Variants in LOC128125817 observed in about 807,000 individuals in gnomAD.
At chr1:41,628,403 C>G in the LOC128125817 span, among the ~76,000 whole-genome samples, 1 of 152,160 alleles carries the variant, frequency 6.6e-6, no homozygotes, top group Non-Finnish European at 1.5e-5. Context: ...GTTGGACTGG[C>G]TTGTGGAGGC....
chr1:41,620,712 C>A, the LOC128125817 span, among the ~76,000 whole-genome samples: 11 of 152,146 alleles, frequency 7.2e-5, no homozygotes, highest in Admixed American at 7.2e-4. Context: ...CTCTGGTAAA[C>A]CTTCAGGCTT....
chr1:41,620,678 C>T, the LOC128125817 span, among the ~76,000 whole-genome samples: 1 of 152,126 alleles, frequency 6.6e-6, no homozygotes, highest in African/African-American at 2.4e-5. Context: ...GCTTAGTGCC[C>T]CACTCATCTT....
At chr1:41,626,746 A>G in the LOC128125817 span, among the ~76,000 whole-genome samples, 2 of 152,172 alleles carry the variant, frequency 1.3e-5, no homozygotes. Context: ...GTGCCCCAGG[A>G]TGCCGAGCCA....
the LOC128125817 span, among the ~76,000 whole-genome samples, chr1:41,599,653 TC>T: frequency 1.3e-5 from 2 of 152,166 alleles, no homozygotes; most frequent in South Asian, 2.1e-4. Context: ...GGAAGAAGCT[TC>T]ATCACATTGG....
the LOC128125817 span, among the ~76,000 whole-genome samples, chr1:41,617,855 T>C: frequency 1.3e-5 from 2 of 150,188 alleles, no homozygotes; most frequent in Non-Finnish European, 3.0e-5. Context: ...CCAATGGCTT[T>C]GGAACTGGAC....
the LOC128125817 span, among the ~76,000 whole-genome samples, chr1:41,623,883 A>T: frequency 1.5e-5 from 2 of 131,118 alleles, no homozygotes; most frequent in African/African-American, 6.3e-5. Flanking sequence ...ATGGCCACAG[A>T]GGCTCTCTGC....
the LOC128125817 span, among the ~76,000 whole-genome samples, chr1:41,598,616 A>G: frequency 6.6e-6 from 1 of 152,216 alleles, no homozygotes; most frequent in African/African-American, 2.4e-5. Flanking sequence ...TCATTTCTCC[A>G]CTCAGTCTGC....
At chr1:41,608,799 C>T in the LOC128125817 span, among the ~76,000 whole-genome samples, 6 of 151,854 alleles carry the variant, frequency 4.0e-5, 1 homozygote, top group South Asian at 6.2e-4. Context: ...CAGCTGGGCA[C>T]GGTGGCTCAC....
the LOC128125817 span, among the ~76,000 whole-genome samples, chr1:41,612,328 C>T: frequency 6.6e-6 from 1 of 152,310 alleles, no homozygotes; most frequent in South Asian, 2.1e-4. Flanking sequence ...CCAACAATGC[C>T]GCCTTACGTT....
the LOC128125817 span, among the ~76,000 whole-genome samples, chr1:41,615,106 T>C: frequency 1.3e-5 from 2 of 152,212 alleles, no homozygotes; most frequent in African/African-American, 4.8e-5. Context: ...AATGCCATCG[T>C]ATTGTATTGC....
At chr1:41,612,921 T>C in the LOC128125817 span, among the ~76,000 whole-genome samples, 1 of 152,224 alleles carries the variant, frequency 6.6e-6, no homozygotes, top group Non-Finnish European at 1.5e-5. Context: ...ACCATGTTTC[T>C]TGTTTGCCAC....
chr1:41,592,305 C>A, the LOC128125817 span, among the ~76,000 whole-genome samples: 1 of 152,184 alleles, frequency 6.6e-6, no homozygotes, highest in South Asian at 2.1e-4. Context: ...CCTCTCTGGG[C>A]CTCAGTTTTC....
chr1:41,596,063 A>C, the LOC128125817 span, among the ~76,000 whole-genome samples: 1 of 152,206 alleles, frequency 6.6e-6, no homozygotes, highest in African/African-American at 2.4e-5. Context: ...GAAATGTTTC[A>C]GGGCTCCAGG....
chr1:41,619,529 T>C, the LOC128125817 span, among the ~76,000 whole-genome samples: 9 of 152,222 alleles, frequency 5.9e-5, no homozygotes, highest in Non-Finnish European at 1.2e-4. Flanking sequence ...TTTTGTGCTT[T>C]GTCACCCAGA....
chr1:41,588,851 C>T, the LOC128125817 span, among the ~76,000 whole-genome samples: 3 of 151,990 alleles, frequency 2.0e-5, no homozygotes, highest in Admixed American at 6.5e-5. Context: ...CTAGTGCTCT[C>T]TGCCAGCCTG....
At chr1:41,592,713 G>A in the LOC128125817 span, among the ~76,000 whole-genome samples, 2 of 152,206 alleles carry the variant, frequency 1.3e-5, no homozygotes, top group Non-Finnish European at 2.9e-5. Flanking sequence ...CTGACACCAG[G>A]CAACCTGCAA....
At chr1:41,607,051 T>C in the LOC128125817 span, among the ~76,000 whole-genome samples, 1 of 152,170 alleles carries the variant, frequency 6.6e-6, no homozygotes, top group Non-Finnish European at 1.5e-5. Context: ...CTTGAACTCC[T>C]GGGCTTAGGC....
At chr1:41,613,274 C>T in the LOC128125817 span, among the ~76,000 whole-genome samples, 2 of 152,274 alleles carry the variant, frequency 1.3e-5, no homozygotes, top group African/African-American at 4.8e-5. Flanking sequence ...AGGCCACTCA[C>T]AGCTCCCCTC....
At chr1:41,608,454 G>A in the LOC128125817 span, among the ~76,000 whole-genome samples, 1 of 152,174 alleles carries the variant, frequency 6.6e-6, no homozygotes, top group Non-Finnish European at 1.5e-5. Flanking sequence ...TGGGGAATTT[G>A]GCGGCCACTG....
Sources: gnomAD v4.1 joint callset for allele counts (sites outside exome capture counted in the v4.1 genomes callset) on GRCh38, gnomAD v4.1.1 for gene constraint, MANE v1.5 for transcripts.